The following CSMD3 variants were observed in gnomAD, a reference collection of about 807,000 sequenced individuals.
CSMD3 encodes the protein CUB and Sushi multiple domains 3.
CSMD3 carries 177 observed loss-of-function variants against 435.2 expected under a neutral mutation model. The observed-to-expected ratio is 0.41, with a 90% CI of 0.36 to 0.46. The LOEUF (loss-of-function observed/expected upper bound fraction) is 0.46, where lower values mean the gene tolerates loss of function less well. Ranked by LOEUF, CSMD3 falls within the 20% of genes least tolerant of loss-of-function variation. The pLI is 0.34. For synonymous variants in CSMD3, 1,656 were observed against 1,520.5 expected (o/e 1.09, Z -2.07); for missense variants, 4,265 against 4,504.6 (o/e 0.95, Z 1.52).
chr8:112,646,472 A>G (rs1409769968), intron 19 of CSMD3, among the ~76,000 whole-genome samples: 2 of 152,168 alleles, frequency 1.3e-5, no homozygotes, highest in African/African-American at 4.8e-5. Flanking sequence ...TCTTTCAAAT[A>G]AAGACACTTT....
intron 1 of CSMD3, among the ~76,000 whole-genome samples, chr8:113,337,110 TC>T (rs2094081923): frequency 6.6e-6 from 1 of 152,146 alleles, no homozygotes; most frequent in Non-Finnish European, 1.5e-5. Flanking sequence ...TGTGACTGTG[TC>T]TGTCATTTCC....
At chr8:113,123,660 C>T (rs1000013869) in intron 4 of CSMD3, among the ~76,000 whole-genome samples, 5 of 151,984 alleles carry the variant, frequency 3.3e-5, no homozygotes, top group Non-Finnish European at 4.4e-5. Context: ...GGTTCTAGTC[C>T]TGAGCATCAG....
chr8:112,270,721 C>T (rs999343011), intron 59 of CSMD3, among the ~76,000 whole-genome samples: 1 of 152,036 alleles, frequency 6.6e-6, no homozygotes, highest in East Asian at 1.9e-4. Context: ...AGAAAACATG[C>T]TCTAATATAA....
At chr8:113,033,236 T>C (rs2087196105) in intron 5 of CSMD3, among the ~76,000 whole-genome samples, 1 of 151,538 alleles carries the variant, frequency 6.6e-6, no homozygotes, top group African/African-American at 2.4e-5. Context: ...GAAAGGTAGA[T>C]CTAACGACAG....
chr8:112,471,761 G>A (rs1818547368), intron 32 of CSMD3, among the ~76,000 whole-genome samples: 1 of 152,096 alleles, frequency 6.6e-6, no homozygotes, highest in Non-Finnish European at 1.5e-5. Context: ...CTGATATACT[G>A]AGTCATCCAG....
chr8:112,259,077 G>C (rs1353998044), intron 61 of CSMD3, among the ~76,000 whole-genome samples: 1 of 151,788 alleles, frequency 6.6e-6, no homozygotes, highest in African/African-American at 2.4e-5. Context: ...ATTTGACCCA[G>C]CAATCCCATT....
At chr8:112,552,422 G>T (rs1288390936) in intron 26 of CSMD3, among the ~76,000 whole-genome samples, 172 bp downstream of exon 26, 3 of 152,062 alleles carry the variant, frequency 2.0e-5, no homozygotes, top group Admixed American at 6.6e-5. Flanking sequence ...TGAGGAGGAG[G>T]TTGCAGTGAG....
chr8:112,638,154 G>T (rs2074714137), intron 21 of CSMD3, among the ~76,000 whole-genome samples: 1 of 148,654 alleles, frequency 6.7e-6, no homozygotes, highest in East Asian at 2.0e-4. Context: ...ATAGATTATA[G>T]ATTATCTAAT....
chr8:112,689,842 C>T (rs2076093468), intron 14 of CSMD3, 26 bp downstream of exon 14: 1 of 1,598,538 alleles, frequency 6.3e-7, no homozygotes, highest in Non-Finnish European at 8.6e-7. Context: ...CATATGCTAT[C>T]TGGAAGCAAA....
chr8:113,416,642 C>A (rs1011055290), intron 1 of CSMD3, among the ~76,000 whole-genome samples: 1 of 152,010 alleles, frequency 6.6e-6, no homozygotes, highest in Non-Finnish European at 1.5e-5. Context: ...TGGAGTGTAC[C>A]ATTTCTATCA....
rs925399730 is a variant in CSMD3 at position 112,352,478 on chromosome 8, C to T, written c.6193G>A (p.Gly2065Arg). Residue 2065 changes from glycine to arginine, a missense_variant, in exon 39 of 71, where the codon GGA becomes AGA. Transcript: ENST00000297405. ...PQTPSSGIKI[G>R]DRYMVGDVVS... is the part of the protein sequence containing the mutation. ...ACATCTCCAACCATATATCTGTCTC[C>T]AATTTTAATTCCACTGCTAGGAGTT... 2.5e-6 allele frequency: 4 copies of T among 1,613,626 alleles called. No individual in the cohort carries two copies. Among genetic ancestry groups the T allele is most frequent in the Non-Finnish European group, 3.4e-6 (4 of 1,179,740 alleles).
At chr8:112,683,575 T>C (rs922587108) in intron 15 of CSMD3, among the ~76,000 whole-genome samples, 12 of 152,042 alleles carry the variant, frequency 7.9e-5, no homozygotes, top group African/African-American at 2.7e-4. Context: ...GATTATAGAT[T>C]ACATGAACAA....
At chr8:112,293,116 T>G (rs1250273990) in intron 54 of CSMD3, among the ~76,000 whole-genome samples, 2 of 151,744 alleles carry the variant, frequency 1.3e-5, no homozygotes, top group Non-Finnish European at 2.9e-5. Context: ...ACTAGCCAGG[T>G]GTGGTGACTC....
chr8:112,515,213 A>C (rs182160420), intron 28 of CSMD3, among the ~76,000 whole-genome samples: 2 of 152,238 alleles, frequency 1.3e-5, no homozygotes, highest in Non-Finnish European at 2.9e-5. Flanking sequence ...TTTATGTAAA[A>C]ACAATTGTCA....
chr8:112,392,540 T>C (rs982631759), intron 35 of CSMD3, among the ~76,000 whole-genome samples: 26 of 151,836 alleles, frequency 1.7e-4, no homozygotes, highest in Admixed American at 1.6e-3. Context: ...AAATTTAAAA[T>C]ATTCACCCAA....
intron 9 of CSMD3, 135 bp from the exon 10 acceptor site, chr8:112,921,886 A>G: frequency 1.4e-6 from 1 of 699,540 alleles, no homozygotes; most frequent in Non-Finnish European, 2.5e-6. Context: ...ACAAAATGTG[A>G]AAGTATGACT....
At position 113,181,872 on chromosome 8, in the gene CSMD3, TCTC is replaced by T. The variant is rs199523112; in HGVS notation, c.515-7959_515-7957del. Among the ~76,000 whole-genome samples, 1,187 of 152,130 alleles carry T rather than the reference TCTC, an allele frequency of 7.8e-3. 10 individuals carry two copies. The highest frequency in any genetic ancestry group is 0.027 in the African/African-American group (1,109 of 41,534). On this transcript the variant is annotated intron_variant, in intron 3 of 70. Transcript: ENST00000297405. Reference sequence around the variant, plus strand: ...GAATAATAGAAAAATATGAATAGGCTCTCCTCTGACAGAATTGGGACAAGTATC... The same window carrying T: ...GAATAATAGAAAAATATGAATAGGCTCTCTGACAGAATTGGGACAAGTATC...
At chr8:112,235,064 A>T (rs1813440998) in intron 67 of CSMD3, among the ~76,000 whole-genome samples, 1 of 152,152 alleles carries the variant, frequency 6.6e-6, no homozygotes, top group African/African-American at 2.4e-5. Flanking sequence ...AGGAATAGTT[A>T]TCAAGGAAAA....
At chr8:112,963,457 A>G (rs1023537461) in intron 7 of CSMD3, among the ~76,000 whole-genome samples, 1 of 152,022 alleles carries the variant, frequency 6.6e-6, no homozygotes, top group African/African-American at 2.4e-5. Context: ...TGTATTCAAC[A>G]TCTCTTAATT....
Sources: allele counts gnomAD v4.1 joint callset (sites outside exome capture counted in the v4.1 genomes callset), GRCh38; gene constraint gnomAD v4.1.1; transcripts MANE v1.5; gene names NCBI Gene and HGNC (gene_info 2026-07-23, HGNC 2026-07-21).